ASB15: variants seen among roughly 807,000 people sequenced by gnomAD.
ASB15 encodes ankyrin repeat and SOCS box containing 15.
A neutral mutation model predicts 58.0 loss-of-function variants in ASB15; 54 were observed. The observed-to-expected ratio is 0.93, with a 90% confidence interval of 0.75 to 1.17. The LOEUF is 1.17. Among genes scored for constraint, ASB15 ranks in the 50% most tolerant of loss-of-function variants. The pLI is 0.00. For missense variants in ASB15, 680 were observed against 707.4 expected (o/e 0.96, Z 0.44); for synonymous variants, 249 against 262.4 (o/e 0.95, Z 0.50).
At chr7:123,574,800 GC>G (rs1799017736) in intron 1 of ASB15, among the ~76,000 whole-genome samples, 1 of 151,872 alleles carries the variant, frequency 6.6e-6, no homozygotes. Context: ...CTAGTAACAG[GC>G]AGCTTACACA....
At chr7:123,597,118 A>G (rs1313999911), upstream of ASB15, among the ~76,000 whole-genome samples, 1 of 152,232 alleles carries the variant, frequency 6.6e-6, no homozygotes, top group Non-Finnish European at 1.5e-5. Context: ...AAATCCTAGC[A>G]ATAAACAATT....
chr7:123,630,116 C>A lies in ASB15; in HGVS notation c.1591C>A (p.Leu531Ile). 1 of 1,576,648 alleles carries A rather than the reference C, an allele frequency of 6.3e-7. No homozygotes were observed. Among genetic ancestry groups the A allele is most frequent in the African/African-American group, 1.4e-5 (1 of 74,040 alleles). Residue 531 changes from leucine to isoleucine, a missense_variant, in exon 11 of 12, where the codon CTA (leucine) becomes ATA (isoleucine). Leu to Ile is a conservative substitution (Grantham distance 5). Coordinates refer to ENST00000451215, the MANE Select transcript of ASB15 (RefSeq NM_001290258.2). Reference protein sequence around the residue: ...QREWPEIRQILENPCSLKHLC... With the variant: ...QREWPEIRQIIENPCSLKHLC... Reference sequence around the variant, plus strand: ...AGAATGGCCAGAAATCCGCCAAATACTAGGTAAAAACCAAAAGTTTTGCCT... The same window carrying A: ...AGAATGGCCAGAAATCCGCCAAATAATAGGTAAAAACCAAAAGTTTTGCCT...
intron 1 of ASB15, among the ~76,000 whole-genome samples, chr7:123,593,331 T>C (rs1280674544): frequency 3.3e-5 from 5 of 152,194 alleles, no homozygotes; most frequent in Non-Finnish European, 4.4e-5. Context: ...TAGCTGGTTA[T>C]TTTGCCCGTT....
intron 1 of ASB15, among the ~76,000 whole-genome samples, chr7:123,581,430 A>G (rs1313462532): frequency 3.3e-5 from 5 of 151,606 alleles, no homozygotes; most frequent in Admixed American, 1.3e-4. Flanking sequence ...AAAAAAAAAA[A>G]AAGGTACTCT....
intron 1 of ASB15, among the ~76,000 whole-genome samples, chr7:123,583,091 T>C (rs753005083): frequency 1.3e-5 from 2 of 151,922 alleles, no homozygotes; most frequent in Non-Finnish European, 2.9e-5. Flanking sequence ...TGAGAGAACA[T>C]AAAATGATAA....
intron 1 of ASB15, among the ~76,000 whole-genome samples, chr7:123,592,565 GT>G (rs1303322939): frequency 9.9e-5 from 15 of 152,180 alleles, no homozygotes; most frequent in African/African-American, 3.6e-4. Context: ...TCAGGAGCAG[GT>G]TGTTCAGTTT....
intron 1 of ASB15, among the ~76,000 whole-genome samples, chr7:123,579,944 CT>C (rs1303814549): frequency 6.6e-6 from 1 of 152,022 alleles, no homozygotes; most frequent in East Asian, 1.9e-4. Context: ...TGTCCAAAGC[CT>C]GTTACACCTC....
At chr7:123,616,173 C>T in intron 4 of ASB15, 48 bp from the exon 5 acceptor site, 1 of 1,415,104 alleles carries the variant, frequency 7.1e-7, no homozygotes, top group Non-Finnish European at 9.9e-7. Flanking sequence ...GTTCCTTGAA[C>T]TATATCACTA....
intron 1 of ASB15, among the ~76,000 whole-genome samples, chr7:123,590,184 T>C (rs1261491467): frequency 6.6e-6 from 1 of 152,154 alleles, no homozygotes. Flanking sequence ...TTTTTTCCTG[T>C]AAATTTGTTT....
intron 11 of ASB15, among the ~76,000 whole-genome samples, chr7:123,635,707 A>G (rs904538674): frequency 2.7e-5 from 4 of 149,596 alleles, no homozygotes; most frequent in African/African-American, 9.9e-5. Context: ...TACTGCAACT[A>G]GAGTCGAAGC....
chr7:123,613,792 C>T lies in ASB15; in HGVS notation c.-2-709C>T, dbSNP rs564711369. Among the ~76,000 whole-genome samples, 6 of 152,244 alleles carry T rather than the reference C, an allele frequency of 3.9e-5. No individual in the cohort carries two copies. The South Asian group carries it at 8.3e-4, about 21-fold the overall frequency. ...AGGCATGGTGGCTCACACCTGTAAA[C>T]CCCAGCACTTTGGGAGGCTGAGGTG... On this transcript the variant is annotated intron_variant, in intron 3 of 11. Transcript: ENST00000451215.
intron 7 of ASB15, among the ~76,000 whole-genome samples, chr7:123,623,939 GAAAGAAAGA>G (rs1163860625): frequency 6.4e-5 from 1 of 15,604 alleles, no homozygotes; most frequent in African/African-American, 2.3e-4. Context: ...AGAAAAGAAA[GAAAGAAAGA>G]AAGAAAGAAA....
At chr7:123,589,011 T>A (rs541276273) in intron 1 of ASB15, among the ~76,000 whole-genome samples, 1 of 151,888 alleles carries the variant, frequency 6.6e-6, no homozygotes, top group Non-Finnish European at 1.5e-5. Flanking sequence ...GAATATTCTA[T>A]GTCCATTGAT....
At chr7:123,627,055 G>A (rs1355287431) in intron 8 of ASB15, 55 bp from the exon 9 acceptor site, 1 of 1,531,244 alleles carries the variant, frequency 6.5e-7, no homozygotes, top group East Asian at 2.3e-5. Flanking sequence ...GTTTTTAAGG[G>A]GATTGTTTAA....
In ASB15 at chr7:123,636,756, G is replaced by A. The variant is rs929844891; in HGVS notation, c.1595-53G>A. ...TATTCTGAAACAGTCATATCTTAGG[G>A]GCCAATCCACTATTTAAAAAATTTT... is the stretch of plus-strand genomic sequence containing the variant. On this transcript the variant is annotated intron_variant, in intron 11 of 11. Transcript: ENST00000451215. The A allele has an allele frequency of 1.2e-5, 17 of 1,443,706 alleles. No homozygotes were observed. The African/African-American group carries it at 1.6e-4, about 13-fold the overall frequency. 89.4% of individuals were successfully genotyped at this position (1,443,706 alleles called of 1,614,324 possible). A position where few individuals can be genotyped will look rare whatever the true frequency, so the allele number is the denominator to read the frequency against.
intron 3 of ASB15, among the ~76,000 whole-genome samples, chr7:123,610,225 C>T (rs1800365416): frequency 6.6e-6 from 1 of 152,170 alleles, no homozygotes; most frequent in South Asian, 2.1e-4. Context: ...CCTGCTCGGT[C>T]CAGACTCTAC....
At chr7:123,628,042 A>C (rs1346607741) in intron 9 of ASB15, among the ~76,000 whole-genome samples, 1 of 152,230 alleles carries the variant, frequency 6.6e-6, no homozygotes, top group Non-Finnish European at 1.5e-5. Flanking sequence ...CAGTAGACAC[A>C]AGAGATCAGG....
chr7:123,594,931 G>A (rs111450331), intron 1 of ASB15, among the ~76,000 whole-genome samples: 21 of 152,276 alleles, frequency 1.4e-4, no homozygotes, highest in Non-Finnish European at 2.1e-4. Flanking sequence ...CTGAGCAGCC[G>A]TGTGCTCCAC....
chr7:123,580,215 C>T (rs1799189077), intron 1 of ASB15, among the ~76,000 whole-genome samples: 3 of 151,956 alleles, frequency 2.0e-5, no homozygotes, highest in South Asian at 2.1e-4. Context: ...CGAAAGGATG[C>T]GTTTTGCCTG....
Sources: gnomAD v4.1 joint callset for allele counts (sites outside exome capture counted in the v4.1 genomes callset) on GRCh38, gnomAD v4.1.1 for gene constraint, MANE v1.5 for transcripts, NCBI Gene and HGNC (gene_info 2026-07-23, HGNC 2026-07-21) for gene names.